The following SLC41A1 variants were observed in gnomAD, a reference collection of about 807,000 sequenced individuals.
The protein encoded by SLC41A1 is solute carrier family 41 member 1.
A neutral mutation model predicts 47.3 loss-of-function variants in SLC41A1; 20 were observed. The observed-to-expected ratio is 0.42, with a 90% confidence interval of 0.30 to 0.61. The LOEUF (loss-of-function observed/expected upper bound fraction) is 0.61, where lower values mean the gene tolerates loss of function less well. Ranked by LOEUF, SLC41A1 falls within the 20% of genes least tolerant of loss-of-function variation. The probability of loss-of-function intolerance (pLI) is 0.17; values close to 1 mark genes in which losing one functional copy is unlikely to be tolerated. For missense variants in SLC41A1, 504 were observed against 674.1 expected (o/e 0.75, Z 2.79); for synonymous variants, 282 against 272.7 (o/e 1.03, Z -0.34).
At chr1:205,801,109 G>C in intron 2 of SLC41A1, 49 bp from the exon 3 acceptor site, 1 of 1,496,094 alleles carries the variant, frequency 6.7e-7, no homozygotes. Context: ...CAAAGGGCGG[G>C]CATTGAGGTT....
chr1:205,796,957 C>G lies in SLC41A1; in HGVS notation c.1039G>C (p.Ala347Pro), dbSNP rs1558079621. ...LDKTVSDPNF[A>P]GMAVFTPVIN... is the part of the protein sequence containing the mutation. Reference sequence around the variant, plus strand: ...ACAGGCGTGAAGACAGCCATCCCAGCAAAGTTGGGGTCTGAGACAGTCTTG... The same window carrying G: ...ACAGGCGTGAAGACAGCCATCCCAGGAAAGTTGGGGTCTGAGACAGTCTTG... Residue 347 changes from alanine (A) to proline (P), a missense_variant, in exon 8 of 11, where the codon GCT becomes CCT. Physicochemically the swap from Ala to Pro is conservative, Grantham distance 27. Coordinates refer to ENST00000367137, the MANE Select transcript of SLC41A1 (RefSeq NM_173854.6). 1 of 1,613,418 alleles carries G rather than the reference C, an allele frequency of 6.2e-7. No homozygotes were observed. The highest frequency in any genetic ancestry group is 8.5e-7 in the Non-Finnish European group (1 of 1,179,758).
At position 205,810,146 on chromosome 1, in the gene SLC41A1, C is replaced by G; in HGVS notation, c.296G>C (p.Gly99Ala). The G allele has an allele frequency of 6.2e-7, 1 of 1,614,222 alleles. No individual in the cohort carries two copies. Among genetic ancestry groups the G allele is most frequent in the Non-Finnish European group, 8.5e-7 (1 of 1,180,048 alleles). Residue 99 changes from glycine to alanine, a missense_variant, in exon 2 of 11, where the codon GGG becomes GCG. Physicochemically the swap from Gly to Ala is moderately conservative, Grantham distance 60 (BLOSUM62 0). Around this residue, in one of 2 missense-constraint regions of SLC41A1, gnomAD observed 421 missense variants for 601.6 expected, o/e 0.70. Transcript: ENST00000367137. This position sits in a 1 kb window ranked among gnomAD's most constrained non-coding sequence, Gnocchi z 5.5. ...GAGGAATGGAAACAGTACTTGCAGC[C>G]CGATGGAAAAGGAGGTCTCCTTGAG... ...SPLKETSFSIGLQVLFPFLLA... is the reference protein window; with the variant it reads ...SPLKETSFSIALQVLFPFLLA...
At chr1:205,793,446 G>A (rs904935291) in intron 10 of SLC41A1, among the ~76,000 whole-genome samples, 4 of 152,132 alleles carry the variant, frequency 2.6e-5, no homozygotes, top group African/African-American at 9.7e-5. Context: ...TTCCCACCAC[G>A]TGCTGCACTG....
intron 7 of SLC41A1, 98 bp downstream of exon 7, chr1:205,797,806 C>T: frequency 6.8e-7 from 1 of 1,470,444 alleles, no homozygotes; most frequent in Non-Finnish European, 9.5e-7. Context: ...GAACACATTT[C>T]TAGGGTCTGA....
At chr1:205,809,354 G>C (rs1284386051) in intron 2 of SLC41A1, among the ~76,000 whole-genome samples, 2 of 152,086 alleles carry the variant, frequency 1.3e-5, no homozygotes, top group Non-Finnish European at 2.9e-5. Context: ...AACCCTCTTT[G>C]CCCAGGGCAG....
At chr1:205,792,170 C>T (rs1655641409) in intron 10 of SLC41A1, among the ~76,000 whole-genome samples, 2 of 152,182 alleles carry the variant, frequency 1.3e-5, no homozygotes, top group African/African-American at 4.8e-5. Context: ...GGGATGTCTT[C>T]TCTCGGCAGA....
At chr1:205,794,427 C>A (rs755424722) in intron 10 of SLC41A1, among the ~76,000 whole-genome samples, 1 of 152,104 alleles carries the variant, frequency 6.6e-6, no homozygotes, top group Non-Finnish European at 1.5e-5. Flanking sequence ...TACACAGGAT[C>A]CGACAGATTA....
intron 10 of SLC41A1, among the ~76,000 whole-genome samples, chr1:205,793,458 A>G (rs1005928624): frequency 6.6e-6 from 1 of 152,216 alleles, no homozygotes; most frequent in Admixed American, 6.5e-5. Context: ...GCTGCACTGG[A>G]ACCCACTAGC....
intron 2 of SLC41A1, among the ~76,000 whole-genome samples, chr1:205,807,069 G>A (rs955570145): frequency 6.6e-6 from 1 of 152,038 alleles, no homozygotes; most frequent in Non-Finnish European, 1.5e-5. Flanking sequence ...GGCACTTTCA[G>A]ATTCTCTTAC....
chr1:205,808,489 C>G (rs1656067916), intron 2 of SLC41A1, among the ~76,000 whole-genome samples: 1 of 152,248 alleles, frequency 6.6e-6, no homozygotes, highest in African/African-American at 2.4e-5. Flanking sequence ...TAAGACAACT[C>G]TCTTCAGTTC....
At chr1:205,800,334 T>G (rs1253795547) in intron 3 of SLC41A1, among the ~76,000 whole-genome samples, 6 of 152,200 alleles carry the variant, frequency 3.9e-5, no homozygotes, top group Non-Finnish European at 8.8e-5. Flanking sequence ...TCACCTTCTC[T>G]AGACTCTTGA....
At chr1:205,805,552 G>A (rs1655997370) in intron 2 of SLC41A1, among the ~76,000 whole-genome samples, 1 of 152,154 alleles carries the variant, frequency 6.6e-6, no homozygotes, top group Admixed American at 6.5e-5. Context: ...CTCTGATGGG[G>A]ATGAAAAAGG....
intron 2 of SLC41A1, among the ~76,000 whole-genome samples, chr1:205,809,814 C>A (rs1355759550): frequency 6.6e-6 from 1 of 152,156 alleles, no homozygotes; most frequent in Admixed American, 6.5e-5. Context: ...CTCTCCCAAG[C>A]CTGAGCTCGG....
Position 205,789,608 on chromosome 1 carries a change from C to G in SLC41A1, c.*1925G>C, listed in dbSNP as rs1655572342. The G allele has an allele frequency of 6.6e-6, 1 of 152,224 alleles. No homozygotes were observed. Among genetic ancestry groups the G allele is most frequent in the South Asian group, 2.1e-4 (1 of 4,830 alleles). 9.4% of individuals were successfully genotyped at this position (152,224 alleles called of 1,614,324 possible). The stretch of plus-strand genomic sequence containing the variant: ...AAAAGTCCAGAGGGAGGAGGAAAAA[C>G]AAGCCCAGGCTGGTGTTAATGAATT... On this transcript the variant is annotated 3_prime_UTR_variant, in exon 11 of 11. Transcript: ENST00000367137.
rs371390886 is a variant in SLC41A1 at position 205,791,548 on chromosome 1, C to T, written c.1527G>A (p.Thr509=). The change falls in exon 11 of 11, where the codon ACG becomes ACA. Residue 509 remains threonine, a synonymous_variant. Transcript: ENST00000367137. This position sits in a 1 kb window ranked among gnomAD's most constrained non-coding sequence, Gnocchi z 4.0. ...AGTGACCAAGCTAGTCCCCGACATC[C>T]GTGTCTCGGTCCCCTATGAGCCAGA... ...HVLWLIGDRD[T]DVGD 8.7e-6 allele frequency: 14 copies of T among 1,614,072 alleles called. No homozygotes were observed. In the African/African-American group the frequency reaches 9.3e-5, roughly 11 times the overall value.
intron 1 of SLC41A1, among the ~76,000 whole-genome samples, chr1:205,812,434 C>T (rs1466212211): frequency 2.0e-5 from 3 of 152,174 alleles, no homozygotes; most frequent in Non-Finnish European, 2.9e-5. Context: ...TGCCCCTATG[C>T]CAGAAAAGTT....
At chr1:205,798,550 A>G in intron 6 of SLC41A1, 119 bp downstream of exon 6, 1 of 1,424,916 alleles carries the variant, frequency 7.0e-7, no homozygotes, top group Non-Finnish European at 9.8e-7. Context: ...AATTATTACA[A>G]CCTGTGTTCA....
chr1:205,798,024 A>G lies in SLC41A1; in HGVS notation c.872T>C (p.Val291Ala). ...LNHWRYIYPL[V>A]CAFFVALLPV... is the part of the protein sequence containing the mutation. ...CAGCAGGGCCACAAAGAAAGCACAC[A>G]CCAGTGGGTAGATGTATCGCCAGTG... The change falls in exon 7 of 11, where the codon GTG becomes GCG. Residue 291 changes from valine (V) to alanine (A), a missense_variant. Val to Ala is a moderately conservative substitution (Grantham distance 64). Coordinates refer to ENST00000367137, the MANE Select transcript of SLC41A1 (RefSeq NM_173854.6). The G allele has an allele frequency of 6.2e-7, 1 of 1,614,152 alleles. No individual in the cohort carries two copies. The highest frequency in any genetic ancestry group is 8.5e-7 in the Non-Finnish European group (1 of 1,180,024).
At chr1:205,794,132 GA>G (rs1279170081) in intron 10 of SLC41A1, among the ~76,000 whole-genome samples, 1 of 126,688 alleles carries the variant, frequency 7.9e-6, no homozygotes, top group African/African-American at 2.6e-5. Context: ...AAACTGCATA[GA>G]ACGAACACAC....
Sources: gnomAD v4.1 joint callset for allele counts (sites outside exome capture counted in the v4.1 genomes callset) on GRCh38, gnomAD v4.1.1 for gene constraint, gnomAD v4.1.1 regional missense constraint, Gnocchi (gnomAD v3.1) non-coding constraint, MANE v1.5 for transcripts, NCBI Gene and HGNC (gene_info 2026-07-23, HGNC 2026-07-21) for gene names.